OBSL1: variants seen among roughly 807,000 people sequenced by gnomAD.
The protein encoded by OBSL1 is obscurin-like protein 1.
OBSL1 carries 160 observed loss-of-function variants against 172.0 expected under a neutral mutation model. The observed-to-expected ratio is 0.93, with a 90% CI of 0.82 to 1.06. The LOEUF is 1.06. Among genes scored for constraint, OBSL1 ranks in the 50% least tolerant of loss-of-function variants. The pLI, the probability that OBSL1 is intolerant of heterozygous loss-of-function variation, is 0.00. For synonymous variants in OBSL1, 1,200 were observed against 1,196.3 expected, an observed-to-expected ratio of 1.00 and a Z score of -0.06; for missense variants, 2,681 against 2,715.4, an observed-to-expected ratio of 0.99 and a Z score of 0.28.
rs1559137329 is a variant in OBSL1 at position 219,556,227 on chromosome 2, GAC to G, written c.4400_4401del (p.Cys1467SerfsTer86). 3.1e-6 allele frequency: 5 copies of G among 1,608,582 alleles called. No individual in the cohort carries two copies. Among genetic ancestry groups the G allele is most frequent in the African/African-American group, 2.7e-5 (2 of 74,822 alleles). ...CCCACTCGGCCTGTCTCCACTTCGA[GAC>G]ACACATCCTGGCCTTCCTCTGCCCG... ...DVRAEEGQDV[C>X]LEVETGRVGA... On this transcript the variant is annotated frameshift_variant, in exon 14 of 21. Transcript: ENST00000404537. LOFTEE classifies it high-confidence loss of function.
At position 219,558,434 on chromosome 2, in the gene OBSL1, C is replaced by G; in HGVS notation, c.3252G>C (p.Pro1084=). 6.3e-7 allele frequency: 1 copy of G among 1,588,128 alleles called. No homozygotes were observed. Among genetic ancestry groups the G allele is most frequent in the Non-Finnish European group, 8.6e-7 (1 of 1,169,360 alleles). ...VTAPPERIVH[P]AARSLDLHFG... ...AATGCAGATCCAGGGAGCGGGCTGC[C>G]GGGTGCACAATCCTCTCTGGTGGGG... The change falls in exon 10 of 21, where the codon CCG becomes CCC. Residue 1084 remains proline (P), a synonymous_variant. Transcript: ENST00000404537.
At chr2:219,549,102 A>C, downstream of OBSL1, 2 of 1,607,240 alleles carry the variant, frequency 1.2e-6, no homozygotes, top group Non-Finnish European at 1.7e-6. Flanking sequence ...GGCTCAAGGG[A>C]AACAAGGCGC....
Position 219,568,814 on chromosome 2 carries a change from G to C in OBSL1, c.1013-490C>G, listed in dbSNP as rs1269860483. ...GGCTGGAGTGCAGTCGCGCAATCTC[G>C]GCTCACTGCAACCTCCACCTCCTGG... On this transcript the variant is annotated intron_variant, in intron 1 of 20. Transcript: ENST00000404537. The surrounding 1 kb of genome is among the most constrained non-coding windows in gnomAD (Gnocchi z 4.1). 6.6e-6 allele frequency among the ~76,000 whole-genome samples: 1 copy of C among 151,430 alleles called. No individual in the cohort carries two copies. The highest frequency in any genetic ancestry group is 1.5e-5 in the Non-Finnish European group (1 of 67,870).
chr2:219,551,286 C>T, intron 20 of OBSL1: 1 of 1,404,858 alleles, frequency 7.1e-7, no homozygotes, highest in Non-Finnish European at 9.2e-7. Context: ...GAGGAGAAGC[C>T]TGGCAAGAAG....
In OBSL1 at chr2:219,567,984, G is replaced by A; in HGVS notation, c.1283-15C>T. 6.2e-7 allele frequency: 1 copy of A among 1,611,890 alleles called. No homozygotes were observed. The highest frequency in any genetic ancestry group is 8.5e-7 in the Non-Finnish European group (1 of 1,178,362). Reference sequence around the variant, plus strand: ...CAGGATGGGCCCTGAGATGCGGACAGGAATCCATCAACCTGGAATCTGAGC... The same window carrying A: ...CAGGATGGGCCCTGAGATGCGGACAAGAATCCATCAACCTGGAATCTGAGC... On this transcript the variant is annotated splice_polypyrimidine_tract_variant and intron_variant, in intron 2 of 20. Coordinates refer to ENST00000404537, the MANE Select transcript of OBSL1 (RefSeq NM_015311.3).
chr2:219,570,530 C>T lies in OBSL1; in HGVS notation c.703G>A (p.Ala235Thr), dbSNP rs201238889. 8.3e-5 allele frequency: 134 copies of T among 1,608,876 alleles called. No individual in the cohort carries two copies. In the East Asian group the frequency reaches 2.9e-3, roughly 35 times the overall value. Residue 235 changes from alanine to threonine, a missense_variant, in exon 1 of 21, where the codon GCG becomes ACG. Transcript: ENST00000404537. ...QVHQPPESPP[A>T]DPDEAPAPVV... ...GGCGCGGGGGCCTCGTCGGGGTCCG[C>T]GGGCGGGCTCTCGGGGGGCTGGTGC...
chr2:219,564,215 G>A (rs1466858297), intron 6 of OBSL1, among the ~76,000 whole-genome samples: 1 of 152,212 alleles, frequency 6.6e-6, no homozygotes, highest in Non-Finnish European at 1.5e-5. Flanking sequence ...CTCCACCCTG[G>A]ATACTGGGGC....
At position 219,552,179 on chromosome 2, in the gene OBSL1, G is replaced by C. The variant is rs369918740; in HGVS notation, c.5346C>G (p.Ala1782=). The C allele has an allele frequency of 3.1e-6, 5 of 1,610,800 alleles. No individual in the cohort carries two copies. The highest frequency in any genetic ancestry group is 4.2e-6 in the Non-Finnish European group (5 of 1,178,934). The change falls in exon 19 of 21, where the codon GCC becomes GCG. Residue 1782 remains alanine (A), a synonymous_variant. Coordinates refer to ENST00000404537, the MANE Select transcript of OBSL1 (RefSeq NM_015311.3). Reference sequence around the variant, plus strand: ...GGAAGCGGACTTCACCGGCGTCCTCGGCGCGCAGCTCGCTAAGCACCAGAA... The same window carrying C: ...GGAAGCGGACTTCACCGGCGTCCTCCGCGCGCAGCTCGCTAAGCACCAGAA... ...KHILVLSELR[A]EDAGEVRFQA... is the part of the protein sequence containing the mutation.
At chr2:219,562,054 G>A (rs766177183) in intron 8 of OBSL1, 10 of 711,594 alleles carry the variant, frequency 1.4e-5, no homozygotes. Flanking sequence ...AGGGCCCCAG[G>A]ACTACCCGTT....
At chr2:219,556,351 C>T in intron 13 of OBSL1, 59 bp from the exon 14 acceptor site, 3 of 1,572,166 alleles carry the variant, frequency 1.9e-6, no homozygotes, top group Non-Finnish European at 1.7e-6. Context: ...CCCCTTGCTC[C>T]ATCCCACTGG....
At chr2:219,565,635 C>T in intron 5 of OBSL1, 121 bp from the exon 6 acceptor site, 1 of 921,348 alleles carries the variant, frequency 1.1e-6, no homozygotes, top group Non-Finnish European at 1.6e-6. Context: ...GGCTTCCACA[C>T]CAACCCTTAA....
chr2:219,551,851 G>A (rs1481501972), intron 19 of OBSL1, 53 bp from the exon 20 acceptor site: 3 of 1,106,956 alleles, frequency 2.7e-6, no homozygotes, highest in African/African-American at 1.5e-5. Flanking sequence ...TGGCCCCCAG[G>A]AGGAGAGATG....
downstream of OBSL1, among the ~76,000 whole-genome samples, chr2:219,548,617 G>A (rs931693552): frequency 6.6e-6 from 1 of 152,196 alleles, no homozygotes; most frequent in African/African-American, 2.4e-5. Flanking sequence ...TTGAGGAAGT[G>A]GGGCAGGAGT....
intron 7 of OBSL1, chr2:219,562,993 G>T (rs541817464): frequency 8.3e-6 from 4 of 481,202 alleles, no homozygotes; most frequent in Non-Finnish European, 1.5e-5. Flanking sequence ...AGGAGGGTTG[G>T]GGGGAGGAGC....
At chr2:219,554,430 G>A in intron 15 of OBSL1, 44 bp downstream of exon 15, 1 of 1,602,180 alleles carries the variant, frequency 6.2e-7, no homozygotes, top group Non-Finnish European at 8.5e-7. Flanking sequence ...GGGTAAGTAG[G>A]GCCACACAGG....
chr2:219,551,840 A>G (rs1286294113), intron 19 of OBSL1, 42 bp from the exon 20 acceptor site: 2 of 1,317,268 alleles, frequency 1.5e-6, no homozygotes, highest in South Asian at 1.3e-5. Context: ...AGGGACACGC[A>G]TGGCCCCCAG....
Position 219,558,391 on chromosome 2 carries a change from C to A in OBSL1, c.3295G>T (p.Val1099Leu). Residue 1099 changes from valine to leucine, a missense_variant, in exon 10 of 21, where the codon GTG (valine) becomes TTG (leucine). Physicochemically the swap from Val to Leu is conservative, Grantham distance 32. This residue lies in a region of OBSL1 where 1,765 missense variants were observed against 1,748.3 expected (regional missense o/e 1.01). Coordinates refer to ENST00000404537, the MANE Select transcript of OBSL1 (RefSeq NM_015311.3). ...GGGGCCACCTCACAGCGCAGCTCCA[C>A]GCGCCCTGGAGCCCCAAAATGCAGA... is the stretch of plus-strand genomic sequence containing the variant. ...LDLHFGAPGRVELRCEVAPAG... is the reference protein window; with the variant it reads ...LDLHFGAPGRLELRCEVAPAG... 6.2e-7 allele frequency: 1 copy of A among 1,607,714 alleles called. No individual in the cohort carries two copies. The highest frequency in any genetic ancestry group is 8.5e-7 in the Non-Finnish European group (1 of 1,177,940).
At position 219,565,524 on chromosome 2, in the gene OBSL1, G is replaced by C. The variant is rs771341060; in HGVS notation, c.2135-10C>G. The C allele has an allele frequency of 5.0e-6, 8 of 1,602,796 alleles. No individual in the cohort carries two copies. In the East Asian group the frequency reaches 1.8e-4, roughly 36 times the overall value. ...ATGTGCACCGGGCTCTCTGTGTGGG[G>C]AGAAGTACAGATAAGCACCCCTCCC... is the stretch of plus-strand genomic sequence containing the variant. On this transcript the variant is annotated splice_polypyrimidine_tract_variant and intron_variant, in intron 5 of 20. Transcript: ENST00000404537.
chr2:219,558,041 A>C lies in OBSL1; in HGVS notation c.3572T>G (p.Val1191Gly), dbSNP rs761193057. ...CCGGGACAGTTCACAGCTCAGCACC[A>C]CTGGCTCCCCAGGGGCCACACAGAG... is the stretch of plus-strand genomic sequence containing the variant. ...SPLCVAPGEPVVLSCELSRAG... is the reference protein window; with the variant it reads ...SPLCVAPGEPGVLSCELSRAG... The change falls in exon 11 of 21, where the codon GTG (valine) becomes GGG (glycine). Residue 1191 changes from valine to glycine, a missense_variant. Val to Gly is a moderately radical substitution (Grantham distance 109). Around this residue, in one of 5 missense-constraint regions of OBSL1, gnomAD observed 1,765 missense variants for 1,748.3 expected, o/e 1.01. Transcript: ENST00000404537. The C allele has an allele frequency of 6.2e-7, 1 of 1,613,508 alleles. No homozygotes were observed. The highest frequency in any genetic ancestry group is 8.5e-7 in the Non-Finnish European group (1 of 1,179,812).
Sources: gnomAD v4.1 joint callset for allele counts (sites outside exome capture counted in the v4.1 genomes callset) on GRCh38, gnomAD v4.1.1 for gene constraint, gnomAD v4.1.1 regional missense constraint, Gnocchi (gnomAD v3.1) non-coding constraint, MANE v1.5 for transcripts, NCBI Gene and HGNC (gene_info 2026-07-23, HGNC 2026-07-21) for gene names.